The following HS3ST5 variants were observed in gnomAD, a reference collection of about 807,000 sequenced individuals.
HS3ST5 encodes the protein heparan sulfate-glucosamine 3-sulfotransferase 5.
In HS3ST5, 10 loss-of-function variants were observed where a neutral mutation model predicts 25.4. The observed-to-expected ratio is 0.39, with a 90% CI of 0.24 to 0.67. The LOEUF (loss-of-function observed/expected upper bound fraction) is 0.67, where lower values mean the gene tolerates loss of function less well. Among genes scored for constraint, HS3ST5 ranks in the 30% least tolerant of loss-of-function variants. The pLI is 0.44. For synonymous variants in HS3ST5, 170 were observed against 162.4 expected (o/e 1.05, Z -0.36); for missense variants, 324 against 420.7 (o/e 0.77, Z 2.01).
At position 114,222,326 on chromosome 6, in the gene HS3ST5, G is replaced by A. The variant is rs118137078; in HGVS notation, c.-145+6259C>T. ...CAAGGCCATGAAAATAGAGCTTGTC[G>A]TCTGCTTCATTCAATGATGTATCTC... On this transcript the variant is annotated intron_variant, in intron 2 of 4. Transcript: ENST00000312719. Among the ~76,000 whole-genome samples the A allele has an allele frequency of 9.9e-3, 1,500 of 151,868 alleles. 9 individuals are homozygous for A. Among genetic ancestry groups the A allele is most frequent in the Non-Finnish European group, 0.016 (1,101 of 67,734 alleles).
intron 3 of HS3ST5, among the ~76,000 whole-genome samples, chr6:114,094,894 G>T (rs1370128699): frequency 6.6e-6 from 1 of 152,122 alleles, no homozygotes; most frequent in Admixed American, 6.5e-5. Context: ...CTCTATCTCT[G>T]TTGCTGGCTT....
At chr6:114,293,441 AT>A (rs775667604) in intron 1 of HS3ST5, among the ~76,000 whole-genome samples, 24 of 152,248 alleles carry the variant, frequency 1.6e-4, no homozygotes, top group Non-Finnish European at 3.1e-4. Context: ...GAAGTCTTTG[AT>A]TCAGGATAAT....
At chr6:114,099,101 G>T (rs765581363) in intron 3 of HS3ST5, among the ~76,000 whole-genome samples, 3 of 152,112 alleles carry the variant, frequency 2.0e-5, no homozygotes, top group African/African-American at 7.2e-5. Context: ...CTGAGTCAGC[G>T]CTAGTCTTCC....
chr6:114,059,928 T>C (rs1773000190), intron 4 of HS3ST5: 1 of 152,382 alleles, frequency 6.6e-6, no homozygotes, highest in South Asian at 2.1e-4. Flanking sequence ...AAAATATCAA[T>C]GTATACTACT....
intron 3 of HS3ST5, among the ~76,000 whole-genome samples, chr6:114,143,390 AC>A (rs1471945085): frequency 1.3e-5 from 2 of 152,208 alleles, no homozygotes; most frequent in African/African-American, 4.8e-5. Context: ...ACTATATATA[AC>A]CATTGTCTAA....
chr6:114,280,758 G>T (rs1181536729), intron 1 of HS3ST5, among the ~76,000 whole-genome samples: 1 of 151,992 alleles, frequency 6.6e-6, no homozygotes, highest in Non-Finnish European at 1.5e-5. Context: ...GCCTTTGAAG[G>T]TAATCTGACC....
chr6:114,252,281 T>TCTGTA (rs1772700771), intron 1 of HS3ST5, among the ~76,000 whole-genome samples: 1 of 152,202 alleles, frequency 6.6e-6, no homozygotes, highest in African/African-American at 2.4e-5. Flanking sequence ...CTGATTCAAT[T>TCTGTA]CTGTACGAAT....
chr6:114,252,064 T>G (rs1400259395), intron 1 of HS3ST5: 1 of 152,196 alleles, frequency 6.6e-6, no homozygotes, highest in East Asian at 1.9e-4. Context: ...TAAATTATAA[T>G]TATTTCCTTA....
At chr6:114,141,563 G>T (rs185296972) in intron 3 of HS3ST5, among the ~76,000 whole-genome samples, 23 of 152,318 alleles carry the variant, frequency 1.5e-4, no homozygotes, top group Non-Finnish European at 2.5e-4. Context: ...GAGCTAAGCT[G>T]CATTTCCCTG....
In HS3ST5 at chr6:114,057,209, CA is replaced by C; in HGVS notation, c.*47del. Reference sequence around the variant, plus strand: ...AGTGCATATTTTAATCTACAGGAGACATTGTGTGTCTCCAGGCACAACACAT... The same window carrying C: ...AGTGCATATTTTAATCTACAGGAGACTTGTGTGTCTCCAGGCACAACACAT... On this transcript the variant is annotated 3_prime_UTR_variant, in exon 5 of 5. Transcript: ENST00000312719. 1 of 1,315,900 alleles carries C rather than the reference CA, an allele frequency of 7.6e-7. No individual in the cohort carries two copies. The highest frequency in any genetic ancestry group is 1.1e-6 in the Non-Finnish European group (1 of 932,560). 81.5% of individuals were successfully genotyped at this position (1,315,900 alleles called of 1,614,324 possible). A position where few individuals can be genotyped will look rare whatever the true frequency, so the allele number is the denominator to read the frequency against.
intron 3 of HS3ST5, among the ~76,000 whole-genome samples, chr6:114,154,565 C>T (rs765775265): frequency 3.9e-5 from 6 of 152,176 alleles, no homozygotes; most frequent in Non-Finnish European, 4.4e-5. Flanking sequence ...GTAACTGTGA[C>T]ATATTTGAAT....
intron 1 of HS3ST5, among the ~76,000 whole-genome samples, chr6:114,326,246 G>A (rs1037611819): frequency 6.6e-5 from 10 of 151,848 alleles, no homozygotes; most frequent in Non-Finnish European, 8.8e-5. Flanking sequence ...AAAAATTAGC[G>A]GGGCATGGTG....
chr6:114,242,681 A>G (rs924434437), intron 1 of HS3ST5, among the ~76,000 whole-genome samples: 9 of 151,968 alleles, frequency 5.9e-5, no homozygotes, highest in East Asian at 3.9e-4. Context: ...GTGAAACCCC[A>G]TCTCTACTAA....
At chr6:114,156,697 C>T (rs1475421404) in intron 3 of HS3ST5, among the ~76,000 whole-genome samples, 2 of 152,082 alleles carry the variant, frequency 1.3e-5, no homozygotes, top group African/African-American at 4.8e-5. Context: ...TCTTGGCAGC[C>T]TCTGGCACTA....
chr6:114,222,292 A>T (rs1782080261), intron 2 of HS3ST5, among the ~76,000 whole-genome samples: 1 of 151,910 alleles, frequency 6.6e-6, no homozygotes, highest in Non-Finnish European at 1.5e-5. Flanking sequence ...ATTGCCTGCC[A>T]TGCCTCAACA....
At position 114,332,540 on chromosome 6, in the gene HS3ST5, G is replaced by A. The variant is rs539372859; in HGVS notation, c.-339+9655C>T. ...AAAAGTCAGACACAGGGAGAGTTAA[G>A]ATGATTATTTCTCCTATCAAAATGT... On this transcript the variant is annotated intron_variant, in intron 1 of 4. Coordinates refer to ENST00000312719, the MANE Select transcript of HS3ST5 (RefSeq NM_153612.4). Among the ~76,000 whole-genome samples the A allele has an allele frequency of 5.6e-4, 86 of 152,282 alleles. 1 individual carries two copies. The highest frequency in any genetic ancestry group is 2.0e-3 in the African/African-American group (83 of 41,568).
At chr6:114,254,431 GA>G (rs1385912583) in intron 1 of HS3ST5, among the ~76,000 whole-genome samples, 1 of 152,214 alleles carries the variant, frequency 6.6e-6, no homozygotes, top group Non-Finnish European at 1.5e-5. Flanking sequence ...AAAGTCCAAT[GA>G]AAAGGCTATT....
At chr6:114,200,457 A>G (rs9481430) in intron 2 of HS3ST5, among the ~76,000 whole-genome samples, 72,188 of 152,118 alleles carry the variant, frequency 0.47, 17,474 homozygotes, top group African/African-American at 0.56. Flanking sequence ...CTTAGTGGAT[A>G]TCACAGTGAA....
At chr6:114,195,272 T>C (rs953448283) in intron 2 of HS3ST5, among the ~76,000 whole-genome samples, 3 of 152,098 alleles carry the variant, frequency 2.0e-5, no homozygotes, top group Non-Finnish European at 4.4e-5. Flanking sequence ...AAAATGATCA[T>C]TTTGGTGAAG....
Sources: allele counts gnomAD v4.1 joint callset (sites outside exome capture counted in the v4.1 genomes callset), GRCh38; gene constraint gnomAD v4.1.1; transcripts MANE v1.5; gene names NCBI Gene and HGNC (gene_info 2026-07-23, HGNC 2026-07-21).